Variants in CYTH1 observed in about 807,000 individuals in gnomAD.
The protein encoded by CYTH1 is cytohesin 1.
In CYTH1, 18 loss-of-function variants were observed where a neutral mutation model predicts 61.8. That is an observed-to-expected ratio of 0.29 (90% confidence interval 0.20 to 0.43). CYTH1 has a LOEUF of 0.43. Ranked by LOEUF, CYTH1 falls within the 20% of genes least tolerant of loss-of-function variation. CYTH1 has a pLI of 1.00. For missense variants in CYTH1, 336 were observed against 510.5 expected (o/e 0.66, Z 3.29); for synonymous variants, 174 against 184.3 (o/e 0.94, Z 0.45).
intron 1 of CYTH1, among the ~76,000 whole-genome samples, chr17:78,720,834 C>A (rs2093222112): frequency 6.6e-6 from 1 of 152,140 alleles, no homozygotes; most frequent in East Asian, 1.9e-4. Context: ...CCAGGTTGCA[C>A]CACTGCATCC....
At chr17:78,708,119 C>T in intron 3 of CYTH1, 78 bp downstream of exon 3, 2 of 1,416,006 alleles carry the variant, frequency 1.4e-6, no homozygotes, top group South Asian at 1.2e-5. Flanking sequence ...CTTCAATGTG[C>T]CACGTAAGCA....
chr17:78,705,113 T>C (rs1036343230), intron 3 of CYTH1, among the ~76,000 whole-genome samples: 8 of 152,112 alleles, frequency 5.3e-5, no homozygotes, highest in African/African-American at 1.9e-4. Flanking sequence ...GTGTAAGTGG[T>C]GAGGCAGCGT....
At chr17:78,688,146 C>A (rs1332535741) in intron 11 of CYTH1, among the ~76,000 whole-genome samples, 1 of 152,170 alleles carries the variant, frequency 6.6e-6, no homozygotes, top group Non-Finnish European at 1.5e-5. Context: ...TTAGAAGTGA[C>A]CTCTTTGACC....
At chr17:78,683,167 T>C (rs1156249713) in intron 11 of CYTH1, among the ~76,000 whole-genome samples, 5 of 152,200 alleles carry the variant, frequency 3.3e-5, no homozygotes, top group East Asian at 1.9e-4. Flanking sequence ...CGTGGCTTCA[T>C]ACAGGATCCT....
chr17:78,780,232 A>G (rs1255935008), intron 1 of CYTH1, among the ~76,000 whole-genome samples: 1 of 152,236 alleles, frequency 6.6e-6, no homozygotes, highest in Non-Finnish European at 1.5e-5. Flanking sequence ...TAATCACAAA[A>G]GGAGGCTGGG....
chr17:78,698,216 G>A (rs1001312550), intron 9 of CYTH1, 53 bp downstream of exon 9: 99 of 1,445,866 alleles, frequency 6.8e-5, no homozygotes, highest in African/African-American at 5.2e-4. Flanking sequence ...CACACACACC[G>A]CCTTTCTTCC....
chr17:78,700,904 G>A lies in CYTH1; in HGVS notation c.438-461C>T, dbSNP rs17657522. Among the ~76,000 whole-genome samples, 68,731 of 151,960 alleles carry A rather than the reference G, an allele frequency of 0.45. 16,386 individuals carry two copies. The highest frequency in any genetic ancestry group is 0.53 in the Non-Finnish European group (36,251 of 67,956). On this transcript the variant is annotated intron_variant, in intron 6 of 13. Transcript: ENST00000446868. The surrounding 1 kb of genome is among the most constrained non-coding windows in gnomAD (Gnocchi z 5.1). ...CCTTCTGTTACTGTAACTCTGAACAGATGCAAAGTTGCCATCCACACCACT... is the reference window on the plus strand; with the variant it reads ...CCTTCTGTTACTGTAACTCTGAACAAATGCAAAGTTGCCATCCACACCACT...
At chr17:78,713,557 G>A (rs1408512667) in intron 1 of CYTH1, among the ~76,000 whole-genome samples, 1 of 151,770 alleles carries the variant, frequency 6.6e-6, no homozygotes, top group Non-Finnish European at 1.5e-5. Flanking sequence ...CCTATCTCAA[G>A]ACTGCTATAT....
In CYTH1 at chr17:78,708,225, T is replaced by C; in HGVS notation, c.142A>G (p.Ile48Val). ...KDEIAEVANE[I>V]ENLGSTEERK... ...TCCTCTGTGGATCCCAGGTTTTCAA[T>C]TTCATTAGCTACTTCTGCTATCTCA... Residue 48 changes from isoleucine to valine, a missense_variant, in exon 3 of 14, where the codon ATT becomes GTT. Ile to Val is a conservative substitution (Grantham distance 29). Coordinates refer to ENST00000446868, the MANE Select transcript of CYTH1 (RefSeq NM_004762.6). 2.5e-6 allele frequency: 4 copies of C among 1,613,676 alleles called. No homozygotes were observed. Among genetic ancestry groups the C allele is most frequent in the Non-Finnish European group, 3.4e-6 (4 of 1,179,906 alleles).
intron 11 of CYTH1, among the ~76,000 whole-genome samples, chr17:78,688,202 T>A (rs1300926779): frequency 6.6e-6 from 1 of 152,194 alleles, no homozygotes; most frequent in Non-Finnish European, 1.5e-5. Context: ...AGCCGCTCCA[T>A]CCATGCATAT....
intron 12 of CYTH1, 118 bp downstream of exon 12, chr17:78,680,853 T>C (rs1017506493): frequency 1.1e-5 from 11 of 976,938 alleles, no homozygotes; most frequent in Admixed American, 2.1e-5. Context: ...AATAAAAAAT[T>C]AGACTAAATA....
chr17:78,768,226 T>C (rs998196603), intron 1 of CYTH1, among the ~76,000 whole-genome samples: 16 of 152,194 alleles, frequency 1.1e-4, no homozygotes, highest in African/African-American at 3.6e-4. Flanking sequence ...TGAAGAGTTA[T>C]ATACATTTGC....
rs369030740 is a variant in CYTH1 at position 78,711,747 on chromosome 17, T to C, written c.23-2015A>G. Among the ~76,000 whole-genome samples, 5 of 151,700 alleles carry C rather than the reference T, an allele frequency of 3.3e-5. No homozygotes were observed. In the East Asian group the frequency reaches 9.7e-4, roughly 29 times the overall value. On this transcript the variant is annotated intron_variant, in intron 1 of 13. Transcript: ENST00000446868. The stretch of plus-strand genomic sequence containing the variant: ...AACCTAGGTTTTCCCCAACCTTCTC[T>C]AAAAAAGTGTTTTTTAAACATCTCA...
intron 13 of CYTH1, chr17:78,678,206 G>A (rs2092721238): frequency 6.6e-6 from 1 of 152,236 alleles, no homozygotes; most frequent in South Asian, 2.1e-4. Context: ...AAAATGCTTA[G>A]TTTTTCTGAC....
chr17:78,745,840 C>T lies in CYTH1; in HGVS notation c.23-36108G>A, dbSNP rs28714472. Reference sequence around the variant, plus strand: ...CCAGGAGGCAGAGGTTGCAGTGAGCCGACATTGTGCTACTGCACTCCAGCC... The same window carrying T: ...CCAGGAGGCAGAGGTTGCAGTGAGCTGACATTGTGCTACTGCACTCCAGCC... On this transcript the variant is annotated intron_variant, in intron 1 of 13. Coordinates refer to ENST00000446868, the MANE Select transcript of CYTH1 (RefSeq NM_004762.6). Among the ~76,000 whole-genome samples, 600 of 152,050 alleles carry T rather than the reference C, an allele frequency of 3.9e-3. 3 individuals are homozygous for T. Among genetic ancestry groups the T allele is most frequent in the African/African-American group, 0.014 (563 of 41,434 alleles).
intron 11 of CYTH1, among the ~76,000 whole-genome samples, chr17:78,683,454 C>T (rs555866592): frequency 6.6e-6 from 1 of 152,338 alleles, no homozygotes; most frequent in Non-Finnish European, 1.5e-5. Context: ...ACTAGGCTGT[C>T]TGCTGGGGAA....
chr17:78,707,315 T>C (rs1329080700), intron 3 of CYTH1, among the ~76,000 whole-genome samples: 4 of 152,082 alleles, frequency 2.6e-5, no homozygotes, highest in Non-Finnish European at 4.4e-5. Context: ...TTTATTGCAT[T>C]AAGCAGTCAG....
At chr17:78,737,381 CTTT>C (rs373931349) in intron 1 of CYTH1, among the ~76,000 whole-genome samples, 2 of 151,994 alleles carry the variant, frequency 1.3e-5, no homozygotes, top group African/African-American at 4.8e-5. Context: ...CAGGTGTGAC[CTTT>C]TTTTATTTTC....
intron 1 of CYTH1, among the ~76,000 whole-genome samples, chr17:78,740,155 C>G (rs1451389968): frequency 6.6e-6 from 1 of 152,116 alleles, no homozygotes; most frequent in African/African-American, 2.4e-5. Context: ...AGGCTGGTCT[C>G]GAACTCCTAA....
Sources: allele counts gnomAD v4.1 joint callset (sites outside exome capture counted in the v4.1 genomes callset), GRCh38; gene constraint gnomAD v4.1.1; non-coding constraint Gnocchi (gnomAD v3.1); transcripts MANE v1.5; gene names NCBI Gene and HGNC (gene_info 2026-07-23, HGNC 2026-07-21).